SLC24A3: variants seen among roughly 807,000 people sequenced by gnomAD.
The protein encoded by SLC24A3 is solute carrier family 24 member 3, also known as sodium/potassium/calcium exchanger 3.
Under a neutral mutation model 75.8 loss-of-function variants are expected in SLC24A3, and 28 were observed. That is an observed-to-expected ratio of 0.37 (90% CI 0.27 to 0.51). The LOEUF is 0.51. SLC24A3 is among the 20% of genes least tolerant of loss of function. The probability of loss-of-function intolerance (pLI) is 0.94; values close to 1 mark genes in which losing one functional copy is unlikely to be tolerated. For missense variants in SLC24A3, 663 were observed against 847.8 expected (o/e 0.78, Z 2.71); for synonymous variants, 372 against 334.1 (o/e 1.11, Z -1.24).
At chr20:19,216,655 A>G (rs1981566896) in intron 1 of SLC24A3, among the ~76,000 whole-genome samples, 1 of 150,864 alleles carries the variant, frequency 6.6e-6, no homozygotes, top group East Asian at 1.9e-4. Context: ...ACACACATGC[A>G]TGTACATATA....
intron 8 of SLC24A3, among the ~76,000 whole-genome samples, chr20:19,671,526 C>T (rs992905812): frequency 6.6e-6 from 1 of 151,986 alleles, no homozygotes; most frequent in Non-Finnish European, 1.5e-5. Context: ...ACACAGAGTC[C>T]GATGGATATG....
chr20:19,541,394 C>T (rs547989121), intron 3 of SLC24A3, among the ~76,000 whole-genome samples: 42 of 152,322 alleles, frequency 2.8e-4, no homozygotes, highest in African/African-American at 9.1e-4. Context: ...TAGGAAAGCC[C>T]ATGTCCAGGA....
chr20:19,666,383 G>C (rs2032399889), intron 8 of SLC24A3, among the ~76,000 whole-genome samples: 1 of 152,050 alleles, frequency 6.6e-6, no homozygotes, highest in Admixed American at 6.5e-5. Flanking sequence ...GTAGGCACCT[G>C]TAGTCCCAGC....
chr20:19,362,707 C>T (rs182658922), intron 2 of SLC24A3, among the ~76,000 whole-genome samples: 18 of 152,266 alleles, frequency 1.2e-4, no homozygotes, highest in Middle Eastern at 6.8e-3. Context: ...CTTGAACCGA[C>T]GTCTCCTGTG....
chr20:19,238,222 G>A (rs574857996), intron 1 of SLC24A3, among the ~76,000 whole-genome samples: 13 of 152,286 alleles, frequency 8.5e-5, no homozygotes, highest in Admixed American at 2.6e-4. Flanking sequence ...GCAGAGAGCA[G>A]CTCTGCCTGT....
chr20:19,272,012 C>A (rs144285752), intron 1 of SLC24A3, among the ~76,000 whole-genome samples: 342 of 152,326 alleles, frequency 2.2e-3, no homozygotes, highest in African/African-American at 8.0e-3. Context: ...TTGGCAGATA[C>A]GGGAGAAAGC....
intron 12 of SLC24A3, among the ~76,000 whole-genome samples, chr20:19,686,335 C>T (rs959123710): frequency 2.6e-5 from 4 of 152,204 alleles, no homozygotes; most frequent in African/African-American, 9.7e-5. Flanking sequence ...GTCCTCCTCT[C>T]CCAACTGCTG....
intron 1 of SLC24A3, among the ~76,000 whole-genome samples, chr20:19,258,713 A>C (rs1312459657): frequency 6.6e-6 from 1 of 152,144 alleles, no homozygotes; most frequent in Non-Finnish European, 1.5e-5. Flanking sequence ...AAATAAAAGA[A>C]AGAAACTATA....
At chr20:19,707,462 C>T (rs896584528) in intron 15 of SLC24A3, among the ~76,000 whole-genome samples, 3 of 152,186 alleles carry the variant, frequency 2.0e-5, no homozygotes, top group Admixed American at 2.0e-4. Flanking sequence ...ATTTTGTAAG[C>T]TATTGCAAAC....
chr20:19,691,280 C>T (rs1472973642), intron 12 of SLC24A3, among the ~76,000 whole-genome samples: 2 of 152,166 alleles, frequency 1.3e-5, no homozygotes, highest in African/African-American at 2.4e-5. Context: ...AAGTGGCCTG[C>T]GTGACAGGGC....
intron 2 of SLC24A3, among the ~76,000 whole-genome samples, chr20:19,472,661 T>G (rs1987894712): frequency 6.6e-6 from 1 of 152,174 alleles, no homozygotes; most frequent in Admixed American, 6.5e-5. Context: ...AATCTCCTGG[T>G]TAACTAGGGG....
rs562266628 is a variant in SLC24A3 at position 19,474,000 on chromosome 20, G to A, written c.272-41488G>A. ...AGAAAATGGTTTGGTTTATTTTCCA[G>A]AACAGTGAAAGTCACTCAACTTAAT... On this transcript the variant is annotated intron_variant, in intron 2 of 16. Transcript: ENST00000328041. Among the ~76,000 whole-genome samples the A allele has an allele frequency of 2.0e-5, 3 of 152,360 alleles. No individual in the cohort carries two copies. The South Asian group carries it at 6.2e-4, about 32-fold the overall frequency.
chr20:19,240,952 AG>A (rs1311948058), intron 1 of SLC24A3, among the ~76,000 whole-genome samples: 1 of 152,168 alleles, frequency 6.6e-6, no homozygotes, highest in East Asian at 1.9e-4. Flanking sequence ...ATGGCCGGCA[AG>A]GGTATCTGCA....
Position 19,312,428 on chromosome 20 carries a change from A to G in SLC24A3, c.271+31341A>G, listed in dbSNP as rs1427093442. 3.3e-5 allele frequency among the ~76,000 whole-genome samples: 5 copies of G among 152,310 alleles called. No homozygotes were observed. The East Asian group carries it at 9.6e-4, about 29-fold the overall frequency. On this transcript the variant is annotated intron_variant, in intron 2 of 16. Transcript: ENST00000328041. The stretch of plus-strand genomic sequence containing the variant: ...CTTGAAGAATCATTTAAGAATGCAT[A>G]CATATCCTAGAGAACCCAAACAGTA...
At chr20:19,217,527 T>TG (rs1223041102) in intron 1 of SLC24A3, among the ~76,000 whole-genome samples, 1 of 152,204 alleles carries the variant, frequency 6.6e-6, no homozygotes, top group Non-Finnish European at 1.5e-5. Flanking sequence ...TTAGCTGGTG[T>TG]GGGGTCTAGA....
rs145597649 is a variant in SLC24A3, at chr20:19,331,325, G to A, written c.271+50238G>A. The stretch of plus-strand genomic sequence containing the variant: ...GATGCTTGCTACCTACTCTAGAACA[G>A]TTCAGGAAAAATGGTATAGATAGAT... On this transcript the variant is annotated intron_variant, in intron 2 of 16. Transcript: ENST00000328041. Among the ~76,000 whole-genome samples, 218 of 152,246 alleles carry A rather than the reference G, an allele frequency of 1.4e-3. 1 individual carries two copies. Among genetic ancestry groups the A allele is most frequent in the Non-Finnish European group, 2.5e-3 (171 of 68,024 alleles).
chr20:19,344,576 G>A (rs1371117744), intron 2 of SLC24A3, among the ~76,000 whole-genome samples: 2 of 152,194 alleles, frequency 1.3e-5, no homozygotes, highest in Non-Finnish European at 2.9e-5. Context: ...GTGGACAATG[G>A]GGATTCAACC....
intron 2 of SLC24A3, among the ~76,000 whole-genome samples, chr20:19,305,135 T>A (rs1984292868): frequency 6.6e-6 from 1 of 152,086 alleles, no homozygotes; most frequent in South Asian, 2.1e-4. Flanking sequence ...GGCTTTTGGA[T>A]GTGTCCATTC....
intron 6 of SLC24A3, among the ~76,000 whole-genome samples, chr20:19,609,041 G>A (rs893009083): frequency 6.6e-6 from 1 of 152,174 alleles, no homozygotes; most frequent in African/African-American, 2.4e-5. Flanking sequence ...GGAGGCTCCT[G>A]CAATTGAGGA....
Sources: allele counts gnomAD v4.1 joint callset (sites outside exome capture counted in the v4.1 genomes callset), GRCh38; gene constraint gnomAD v4.1.1; transcripts MANE v1.5; gene names NCBI Gene and HGNC (gene_info 2026-07-23, HGNC 2026-07-21).